Variants in AACS observed in about 807,000 individuals in gnomAD.
AACS encodes the protein acetoacetate-CoA ligase.
A neutral mutation model predicts 83.1 loss-of-function variants in AACS; 69 were observed. That is an observed-to-expected ratio of 0.83 (90% CI 0.68 to 1.01). The LOEUF is 1.01. AACS is among the 50% of genes least tolerant of loss of function. AACS has a pLI of 0.00. For missense variants in AACS, 866 were observed against 882.2 expected, an observed-to-expected ratio of 0.98 and a Z score of 0.23; for synonymous variants, 333 against 343.4, an observed-to-expected ratio of 0.97 and a Z score of 0.33.
chr12:125,091,189 A>G, intron 4 of AACS: 3 of 539,490 alleles, frequency 5.6e-6, no homozygotes, highest in Non-Finnish European at 1.0e-5. Context: ...CAGAGGGAGG[A>G]GAGCCCACGG....
intron 3 of AACS, chr12:125,077,961 C>T (rs1352970352): frequency 5.0e-5 from 18 of 362,156 alleles, no homozygotes; most frequent in Admixed American, 4.0e-4. Flanking sequence ...CCCCCCGCCT[C>T]GGCCTCCTAA....
chr12:125,077,977 T>C, intron 3 of AACS: 1 of 371,574 alleles, frequency 2.7e-6, no homozygotes, highest in Non-Finnish European at 5.3e-6. Flanking sequence ...CCTAAAGTGC[T>C]GGGATTACAG....
chr12:125,136,185 G>C (rs1236278701), intron 16 of AACS: 2 of 160,204 alleles, frequency 1.2e-5, no homozygotes, highest in African/African-American at 4.8e-5. Flanking sequence ...GAGTAGCTGT[G>C]TCTCCAGGTG....
chr12:125,070,490 T>C (rs906902497), intron 1 of AACS, among the ~76,000 whole-genome samples: 6 of 152,080 alleles, frequency 3.9e-5, no homozygotes, highest in African/African-American at 1.2e-4. Flanking sequence ...AAGAGTAAGA[T>C]CCTGTCTCTA....
At chr12:125,068,070 G>A (rs887432718) in intron 1 of AACS, among the ~76,000 whole-genome samples, 2 of 152,190 alleles carry the variant, frequency 1.3e-5, no homozygotes, top group South Asian at 2.1e-4. Context: ...GCATGGCTGC[G>A]GAGCTCCTTT....
At chr12:125,085,097 G>A (rs1956300380) in intron 3 of AACS, among the ~76,000 whole-genome samples, 1 of 152,210 alleles carries the variant, frequency 6.6e-6, no homozygotes. Flanking sequence ...TAGGGGTCAG[G>A]GATGACTATA....
intron 7 of AACS, among the ~76,000 whole-genome samples, chr12:125,104,361 G>T (rs573110759): frequency 1.3e-5 from 2 of 152,334 alleles, no homozygotes; most frequent in South Asian, 4.1e-4. Flanking sequence ...GTGGTAGTCG[G>T]TGCATGGCTT....
rs1469100213 is a variant in AACS at position 125,091,473 on chromosome 12, G to A, written c.520G>A (p.Ala174Thr). ...EHAVEAMLAA[A>T]SIGAIWSSTS... ...CGCTGTCGAGGCGATGCTGGCTGCG[G>A]CAAGCATTGGTGCCATCTGGAGCTC... Residue 174 changes from alanine (A) to threonine (T), a missense_variant, in exon 5 of 18, where the codon GCA becomes ACA. Transcript: ENST00000316519. The A allele has an allele frequency of 6.2e-7, 1 of 1,614,128 alleles. No individual in the cohort carries two copies. The highest frequency in any genetic ancestry group is 1.3e-5 in the African/African-American group (1 of 74,946).
chr12:125,115,057 G>A (rs955536479), intron 9 of AACS, among the ~76,000 whole-genome samples: 1 of 151,968 alleles, frequency 6.6e-6, no homozygotes, highest in South Asian at 2.1e-4. Flanking sequence ...CGCCCACCCT[G>A]CCTCAGCAGC....
Position 125,136,697 on chromosome 12 carries a change from G to C in AACS, c.1714G>C (p.Val572Leu). Residue 572 changes from valine (V) to leucine (L), a missense_variant, in exon 17 of 18, where the codon GTC becomes CTC. Transcript: ENST00000316519. ...CGAGGAGGTGGAGGACAGCCTGTGT[G>C]TCCCCCAGTATAACAAGTACAGGGA... ...SFEEVEDSLCVPQYNKYREER... is the reference protein window; with the variant it reads ...SFEEVEDSLCLPQYNKYREER... The C allele has an allele frequency of 4.3e-6, 7 of 1,614,092 alleles. No individual in the cohort carries two copies. Among genetic ancestry groups the C allele is most frequent in the Non-Finnish European group, 4.2e-6 (5 of 1,180,024 alleles).
chr12:125,088,097 T>C (rs756959050), intron 4 of AACS, among the ~76,000 whole-genome samples: 2 of 152,144 alleles, frequency 1.3e-5, no homozygotes, highest in African/African-American at 2.4e-5. Context: ...TTCTCCATAC[T>C]AGAAGGCAGG....
In AACS at chr12:125,107,107, G is replaced by A. The variant is rs781610796; in HGVS notation, c.768-14G>A. 30 of 1,613,924 alleles carry A rather than the reference G, an allele frequency of 1.9e-5. No individual in the cohort carries two copies. Among genetic ancestry groups the A allele is most frequent in the East Asian group, 4.5e-5 (2 of 44,890 alleles). On this transcript the variant is annotated splice_polypyrimidine_tract_variant and intron_variant, in intron 7 of 17. Coordinates refer to ENST00000316519, the MANE Select transcript of AACS (RefSeq NM_023928.5). ...GGACGTTCATGGCGTGTTTCCCTGC[G>A]TTTCGGCCCACAGTGTGTTTCTGGA...
At chr12:125,080,441 G>A (rs975099291) in intron 3 of AACS, among the ~76,000 whole-genome samples, 1 of 151,752 alleles carries the variant, frequency 6.6e-6, no homozygotes, top group African/African-American at 2.4e-5. Context: ...TAATACGGGT[G>A]TCTGGGTGGA....
At position 125,127,994 on chromosome 12, in the gene AACS, C is replaced by T. The variant is rs1957272690; in HGVS notation, c.1310-167C>T. 3 of 471,894 alleles carry T rather than the reference C, an allele frequency of 6.4e-6. No individual in the cohort carries two copies. In the Admixed American group the frequency reaches 1.1e-4, roughly 18 times the overall value. The allele number at this position is 471,894 out of a possible 1,614,324, so 29.2% of individuals were successfully genotyped here. ...GTTCATTCTAATTTCCATATCACCT[C>T]TCCCACTGCTCCCTGAAGAGAAGCC... On this transcript the variant is annotated intron_variant, in intron 12 of 17. Coordinates refer to ENST00000316519, the MANE Select transcript of AACS (RefSeq NM_023928.5).
chr12:125,123,330 G>A (rs888316782), intron 10 of AACS: 1 of 152,228 alleles, frequency 6.6e-6, no homozygotes, highest in Non-Finnish European at 1.5e-5. Flanking sequence ...CAAAGGAAGT[G>A]ACACCTTAGT....
chr12:125,073,878 A>G lies in AACS; in HGVS notation c.136A>G (p.Ser46Gly). The G allele has an allele frequency of 6.2e-7, 1 of 1,610,330 alleles. No individual in the cohort carries two copies. Among genetic ancestry groups the G allele is most frequent in the Non-Finnish European group, 8.5e-7 (1 of 1,178,382 alleles). Residue 46 changes from serine to glycine, a missense_variant and splice_region_variant, in exon 2 of 18, where the codon AGT becomes GGT. Coordinates refer to ENST00000316519, the MANE Select transcript of AACS (RefSeq NM_023928.5). ...VGAACGLALESYDDLYHWSVE... is the reference protein window; with the variant it reads ...VGAACGLALEGYDDLYHWSVE... ...AATCTGAGCTATTTCATTTTTAGAG[A>G]GTTATGATGACTTGTACCATTGGTC... is the stretch of plus-strand genomic sequence containing the variant.
chr12:125,080,661 CT>C (rs1423750880), intron 3 of AACS, among the ~76,000 whole-genome samples: 1 of 151,574 alleles, frequency 6.6e-6, no homozygotes, highest in Non-Finnish European at 1.5e-5. Context: ...TGAGCCCCCC[CT>C]TTTTAAAATT....
chr12:125,066,289 C>A (rs1471214848), intron 1 of AACS, among the ~76,000 whole-genome samples: 2 of 151,746 alleles, frequency 1.3e-5, no homozygotes, highest in Non-Finnish European at 2.9e-5. Flanking sequence ...CTCTTTCCAC[C>A]CATCACCTTG....
At chr12:125,103,912 C>T (rs192003536) in intron 7 of AACS, among the ~76,000 whole-genome samples, 11 of 126,638 alleles carry the variant, frequency 8.7e-5, no homozygotes, top group Admixed American at 2.0e-4. Flanking sequence ...GGCGTGAATC[C>T]GGGAGGAGGA....
Sources: gnomAD v4.1 joint callset for allele counts (sites outside exome capture counted in the v4.1 genomes callset) on GRCh38, gnomAD v4.1.1 for gene constraint, MANE v1.5 for transcripts, NCBI Gene and HGNC (gene_info 2026-07-23, HGNC 2026-07-21) for gene names.